The following MYO5A variants were observed in gnomAD, a reference collection of about 807,000 sequenced individuals.
The protein encoded by MYO5A is myosin VA.
In MYO5A, 98 loss-of-function variants were observed where a neutral mutation model predicts 249.7. The ratio of observed to expected loss-of-function variants is 0.39; its 90% CI spans 0.33 to 0.46. The LOEUF (loss-of-function observed/expected upper bound fraction) is 0.46, where lower values mean the gene tolerates loss of function less well. MYO5A is among the 20% of genes least tolerant of loss of function. The pLI is 0.98. For synonymous variants in MYO5A, 778 were observed against 810.6 expected (o/e 0.96, Z 0.68); for missense variants, 1,696 against 2,308.8 (o/e 0.73, Z 5.44).
intron 18 of MYO5A, among the ~76,000 whole-genome samples, chr15:52,378,515 C>CAAAAA (rs55803737): frequency 1.1e-3 from 12 of 10,488 alleles, no homozygotes; most frequent in East Asian, 6.0e-3. Flanking sequence ...AAGACTGTCT[C>CAAAAA]AAAAAAAAAA....
At chr15:52,512,923 G>A (rs867427731) in intron 1 of MYO5A, among the ~76,000 whole-genome samples, 2 of 149,424 alleles carry the variant, frequency 1.3e-5, no homozygotes, top group South Asian at 2.2e-4. Flanking sequence ...GTCAGGAGAC[G>A]GAGACCATGC....
intron 1 of MYO5A, among the ~76,000 whole-genome samples, chr15:52,499,315 ATTATTT>A: frequency 1.3e-5 from 2 of 152,262 alleles, no homozygotes; most frequent in East Asian, 3.9e-4. Context: ...TTTTTTTATT[ATTATTT>A]TTAATTGTGG....
At chr15:52,369,067 A>T (rs988031669) in intron 22 of MYO5A, among the ~76,000 whole-genome samples, 3 of 152,200 alleles carry the variant, frequency 2.0e-5, no homozygotes, top group African/African-American at 7.2e-5. Flanking sequence ...AACAGAAAAG[A>T]ATCTCACCTT....
At chr15:52,427,982 C>G (rs1416502467) in intron 3 of MYO5A, among the ~76,000 whole-genome samples, 14 of 152,126 alleles carry the variant, frequency 9.2e-5, no homozygotes, top group Admixed American at 9.2e-4. Flanking sequence ...CAAGACGAAT[C>G]ACCACGAGTC....
chr15:52,432,660 C>T (rs1211686993), intron 2 of MYO5A, among the ~76,000 whole-genome samples: 2 of 152,114 alleles, frequency 1.3e-5, no homozygotes, highest in Non-Finnish European at 1.5e-5. Context: ...TCCAAAGTGC[C>T]GAACATTTTG....
At position 52,476,272 on chromosome 15, in the gene MYO5A, G is replaced by C. The variant is rs562709562; in HGVS notation, c.28-42987C>G. Among the ~76,000 whole-genome samples, 8 of 150,972 alleles carry C rather than the reference G, an allele frequency of 5.3e-5. No homozygotes were observed. The South Asian group carries it at 1.5e-3, about 28-fold the overall frequency. On this transcript the variant is annotated intron_variant, in intron 1 of 41. Coordinates refer to ENST00000399233, the MANE Select transcript of MYO5A (RefSeq NM_001382347.1). ...AGATCTTCCTCCATCCCTTTATTTT[G>C]AGCCTATGTGTGTCTCTGCACGTGA... is the stretch of plus-strand genomic sequence containing the variant.
At position 52,383,133 on chromosome 15, in the gene MYO5A, T is replaced by C. The variant is rs765831346; in HGVS notation, c.1970A>G (p.Tyr657Cys). 6.2e-7 allele frequency: 1 copy of C among 1,613,808 alleles called. No homozygotes were observed. Among genetic ancestry groups the C allele is most frequent in the Admixed American group, 1.7e-5 (1 of 60,016 alleles). Residue 657 changes from tyrosine (Y) to cysteine (C), a missense_variant, in exon 16 of 42, where the codon TAT becomes TGT. By Grantham distance (194) the Tyr-to-Cys change is radical (BLOSUM62 -2). This residue lies in a region of MYO5A where 277 missense variants were observed against 422.4 expected (regional missense o/e 0.66). Coordinates refer to ENST00000399233, the MANE Select transcript of MYO5A (RefSeq NM_001382347.1). Reference sequence around the variant, plus strand: ...GTCATTAGGCTTGATACAGCGCACATAGTGAGGGGTAGTGGCATTGAGTGT... The same window carrying C: ...GTCATTAGGCTTGATACAGCGCACACAGTGAGGGGTAGTGGCATTGAGTGT... Reference protein sequence around the residue: ...METLNATTPHYVRCIKPNDFK... With the variant: ...METLNATTPHCVRCIKPNDFK...
chr15:52,315,742 C>T (rs2037976073), intron 40 of MYO5A, among the ~76,000 whole-genome samples: 1 of 151,720 alleles, frequency 6.6e-6, no homozygotes, highest in Non-Finnish European at 1.5e-5. Context: ...ACCTCCGTCT[C>T]CCAGGTTCCA....
chr15:52,376,694 T>G (rs1056624008), intron 18 of MYO5A, 136 bp from the exon 19 acceptor site: 1 of 775,820 alleles, frequency 1.3e-6, no homozygotes, highest in Non-Finnish European at 2.1e-6. Flanking sequence ...AATTAACTAA[T>G]GGAGCCAGAT....
intron 25 of MYO5A, among the ~76,000 whole-genome samples, chr15:52,355,118 T>C (rs375128641): frequency 6.6e-6 from 1 of 152,220 alleles, no homozygotes; most frequent in African/African-American, 2.4e-5. Context: ...TTGTTTACAA[T>C]GGGCAGATTC....
chr15:52,314,082 G>C, intron 41 of MYO5A, 41 bp downstream of exon 41: 3 of 1,488,454 alleles, frequency 2.0e-6, no homozygotes, highest in Non-Finnish European at 2.8e-6. Context: ...CCATTCAAAA[G>C]ACTGTGTTGG....
chr15:52,434,853 C>T (rs1299886400), intron 1 of MYO5A, among the ~76,000 whole-genome samples: 1 of 152,192 alleles, frequency 6.6e-6, no homozygotes, highest in African/African-American at 2.4e-5. Context: ...CACAATCAAT[C>T]ATGGCTGGCA....
intron 1 of MYO5A, among the ~76,000 whole-genome samples, chr15:52,520,302 C>T (rs527456967): frequency 6.6e-6 from 1 of 152,280 alleles, no homozygotes; most frequent in South Asian, 2.1e-4. Context: ...CTGTCCTCCC[C>T]CTGGTCTCTG....
intron 5 of MYO5A, among the ~76,000 whole-genome samples, chr15:52,413,143 G>A (rs1239301299): frequency 8.6e-6 from 1 of 115,740 alleles, no homozygotes; most frequent in African/African-American, 3.3e-5. Flanking sequence ...GCGAAACTCT[G>A]TCTCAAAAAA....
chr15:52,517,431 T>A (rs1486017339), intron 1 of MYO5A, among the ~76,000 whole-genome samples: 1 of 152,190 alleles, frequency 6.6e-6, no homozygotes, highest in Non-Finnish European at 1.5e-5. Flanking sequence ...ACACCCATAA[T>A]CCCAGCACTT....
intron 4 of MYO5A, among the ~76,000 whole-genome samples, chr15:52,421,380 G>A (rs776984657): frequency 6.6e-6 from 1 of 152,118 alleles, no homozygotes; most frequent in Admixed American, 6.5e-5. Context: ...TAGACATAAG[G>A]CCACATAATG....
intron 1 of MYO5A, among the ~76,000 whole-genome samples, chr15:52,506,417 C>T (rs1287280183): frequency 2.6e-5 from 4 of 151,888 alleles, no homozygotes; most frequent in Admixed American, 6.6e-5. Context: ...ATCCCAGCTA[C>T]TCAGGTGGCT....
At chr15:52,319,400 A>T in intron 38 of MYO5A, 58 bp from the exon 39 acceptor site, 1 of 1,560,812 alleles carries the variant, frequency 6.4e-7, no homozygotes, top group Non-Finnish European at 8.8e-7. Flanking sequence ...TTTCATGTGC[A>T]CATATCCATG....
At chr15:52,454,177 G>A (rs1304392284) in intron 1 of MYO5A, among the ~76,000 whole-genome samples, 1 of 151,580 alleles carries the variant, frequency 6.6e-6, no homozygotes, top group African/African-American at 2.4e-5. Flanking sequence ...AAGAGATATT[G>A]CATGCATGTG....
Sources: gnomAD v4.1 joint callset for allele counts (sites outside exome capture counted in the v4.1 genomes callset) on GRCh38, gnomAD v4.1.1 for gene constraint, gnomAD v4.1.1 regional missense constraint, MANE v1.5 for transcripts, NCBI Gene and HGNC (gene_info 2026-07-23, HGNC 2026-07-21) for gene names.